KCNQ5: variants seen among roughly 807,000 people sequenced by gnomAD.
The protein encoded by KCNQ5 is potassium voltage-gated channel subfamily Q member 5.
KCNQ5 carries 30 observed loss-of-function variants against 98.2 expected under a neutral mutation model. The ratio of observed to expected loss-of-function variants is 0.31; its 90% CI spans 0.23 to 0.41. KCNQ5 has a LOEUF of 0.41. Among genes scored for constraint, KCNQ5 ranks in the 10% least tolerant of loss-of-function variants. The pLI, the probability that KCNQ5 is intolerant of heterozygous loss-of-function variation, is 1.00. For missense variants in KCNQ5, 835 were observed against 1,182.5 expected (o/e 0.71, Z 4.31); for synonymous variants, 458 against 449.4 (o/e 1.02, Z -0.24).
chr6:73,097,025 A>G (rs1403175604), intron 5 of KCNQ5, among the ~76,000 whole-genome samples: 1 of 151,868 alleles, frequency 6.6e-6, no homozygotes, highest in African/African-American at 2.4e-5. Flanking sequence ...TGGGTGACAG[A>G]GTGACTCAGT....
chr6:73,169,581 AAAG>A (rs767533230), intron 10 of KCNQ5, among the ~76,000 whole-genome samples, 162 bp from the exon 11 acceptor site: 32 of 152,240 alleles, frequency 2.1e-4, no homozygotes, highest in Non-Finnish European at 4.6e-4. Flanking sequence ...GGCTGTAGAA[AAAG>A]AAGAAAGAAT....
At chr6:72,859,756 A>G (rs1053646961) in intron 1 of KCNQ5, among the ~76,000 whole-genome samples, 1 of 151,692 alleles carries the variant, frequency 6.6e-6, no homozygotes, top group African/African-American at 2.4e-5. Context: ...TAATTTTTTC[A>G]TGTGTGTATT....
chr6:72,945,301 G>A lies in KCNQ5; in HGVS notation c.399-58607G>A, dbSNP rs369056673. 2.6e-5 allele frequency among the ~76,000 whole-genome samples: 4 copies of A among 151,186 alleles called. No individual in the cohort carries two copies. In the East Asian group the frequency reaches 5.8e-4, roughly 22 times the overall value. ...AAGTTTTAGGGTACATGTGCACAAC[G>A]TGCACGTTAGTTACATATGTATACA... On this transcript the variant is annotated intron_variant, in intron 1 of 13. Coordinates refer to ENST00000370398, the MANE Select transcript of KCNQ5 (RefSeq NM_019842.4).
chr6:72,836,478 C>T (rs1474137759), intron 1 of KCNQ5, among the ~76,000 whole-genome samples: 13 of 152,208 alleles, frequency 8.5e-5, no homozygotes, highest in African/African-American at 3.1e-4. Context: ...CACTCAATCA[C>T]CCAGGCTCAT....
chr6:73,083,695 A>G (rs1159838437), intron 5 of KCNQ5, among the ~76,000 whole-genome samples: 1 of 152,202 alleles, frequency 6.6e-6, no homozygotes. Flanking sequence ...CTAAGCAACC[A>G]AGTAGCCATC....
intron 1 of KCNQ5, among the ~76,000 whole-genome samples, chr6:72,960,002 A>C (rs1767259248): frequency 6.6e-6 from 1 of 152,232 alleles, no homozygotes; most frequent in South Asian, 2.1e-4. Flanking sequence ...GTAGGCCAGA[A>C]GGGAAAGGAA....
At chr6:72,708,742 CT>C (rs1769215656) in intron 1 of KCNQ5, among the ~76,000 whole-genome samples, 1 of 152,066 alleles carries the variant, frequency 6.6e-6, no homozygotes, top group Non-Finnish European at 1.5e-5. Flanking sequence ...GCCTGGTCTC[CT>C]GAGCTCAAGT....
chr6:72,731,820 G>T (rs916245413), intron 1 of KCNQ5, among the ~76,000 whole-genome samples: 1 of 152,144 alleles, frequency 6.6e-6, no homozygotes, highest in Non-Finnish European at 1.5e-5. Flanking sequence ...TTCCAGTCCT[G>T]CCACGAGGAA....
chr6:73,175,126 C>G (rs1279534825), intron 11 of KCNQ5, among the ~76,000 whole-genome samples: 1 of 152,028 alleles, frequency 6.6e-6, no homozygotes, highest in Non-Finnish European at 1.5e-5. Flanking sequence ...ACTACCTGGA[C>G]TGAGAAATTA....
In KCNQ5 at chr6:72,785,568, T is replaced by G. The variant is rs141318640; in HGVS notation, c.398+162981T>G. On this transcript the variant is annotated intron_variant, in intron 1 of 13. Transcript: ENST00000370398. ...GGGAGGCTGAGTCAGGAGAATCCCTTAAACCTGGGAGGTGGAGGTTGCAGT... is the reference window on the plus strand; with the variant it reads ...GGGAGGCTGAGTCAGGAGAATCCCTGAAACCTGGGAGGTGGAGGTTGCAGT... 2.3e-3 allele frequency among the ~76,000 whole-genome samples: 352 copies of G among 151,774 alleles called. 1 individual carries two copies. Among genetic ancestry groups the G allele is most frequent in the Middle Eastern group, 0.014 (4 of 292 alleles).
At chr6:73,120,800 G>A (rs1295781531) in intron 8 of KCNQ5, among the ~76,000 whole-genome samples, 1 of 152,180 alleles carries the variant, frequency 6.6e-6, no homozygotes, top group Non-Finnish European at 1.5e-5. Context: ...TTAAAATAAT[G>A]TAAATTTTAT....
chr6:72,720,248 T>C (rs1769882947), intron 1 of KCNQ5, among the ~76,000 whole-genome samples: 1 of 152,238 alleles, frequency 6.6e-6, no homozygotes, highest in African/African-American at 2.4e-5. Flanking sequence ...GCAAGTTAGC[T>C]GCTTTTAACC....
At chr6:72,627,869 T>C (rs1293773402) in intron 1 of KCNQ5, among the ~76,000 whole-genome samples, 1 of 152,226 alleles carries the variant, frequency 6.6e-6, no homozygotes, top group African/African-American at 2.4e-5. Context: ...TTCTTCAAAG[T>C]ACAGTTCAAA....
At position 73,046,978 on chromosome 6, in the gene KCNQ5, A is replaced by G. The variant is rs140731127; in HGVS notation, c.616+4916A>G. 9.8e-3 allele frequency among the ~76,000 whole-genome samples: 1,490 copies of G among 152,274 alleles called. 23 individuals carry two copies. Among genetic ancestry groups the G allele is most frequent in the African/African-American group, 0.033 (1,379 of 41,554 alleles). On this transcript the variant is annotated intron_variant, in intron 3 of 13. Transcript: ENST00000370398. ...CCCATTTTATAGATGAGGAAGTAAG[A>G]CAAGACTGAAGACTTTATAGATGAG...
chr6:73,195,582 A>G lies in KCNQ5; in HGVS notation c.*168A>G. On this transcript the variant is annotated 3_prime_UTR_variant, in exon 14 of 14. Coordinates refer to ENST00000370398, the MANE Select transcript of KCNQ5 (RefSeq NM_019842.4). Reference sequence around the variant, plus strand: ...ATTGCATGAAAATGCATGTTTAGGGATGGCTAAAATTCCAAGGTGCATCGA... The same window carrying G: ...ATTGCATGAAAATGCATGTTTAGGGGTGGCTAAAATTCCAAGGTGCATCGA... 7 of 852,724 alleles carry G rather than the reference A, an allele frequency of 8.2e-6. No homozygotes were observed. The highest frequency in any genetic ancestry group is 1.2e-5 in the Non-Finnish European group (7 of 566,698). 52.8% of individuals were successfully genotyped at this position (852,724 alleles called of 1,614,324 possible). A position where few individuals can be genotyped will look rare whatever the true frequency, so the allele number is the denominator to read the frequency against.
At chr6:72,721,804 G>A (rs931560757) in intron 1 of KCNQ5, among the ~76,000 whole-genome samples, 1 of 152,148 alleles carries the variant, frequency 6.6e-6, no homozygotes, top group Non-Finnish European at 1.5e-5. Flanking sequence ...AATTGGCCAA[G>A]GAGGGCTATC....
intron 1 of KCNQ5, among the ~76,000 whole-genome samples, chr6:72,919,124 T>A (rs979402757): frequency 2.0e-5 from 3 of 152,228 alleles, no homozygotes; most frequent in African/African-American, 7.2e-5. Context: ...TTTCCCAAAA[T>A]GACTTGATCG....
intron 10 of KCNQ5, among the ~76,000 whole-genome samples, chr6:73,143,256 T>G (rs1343028420): frequency 1.3e-5 from 2 of 152,232 alleles, no homozygotes; most frequent in East Asian, 3.8e-4. Flanking sequence ...AGAAAACCTC[T>G]AAGAAATTTT....
At chr6:72,688,834 A>G (rs1768076399) in intron 1 of KCNQ5, among the ~76,000 whole-genome samples, 1 of 152,178 alleles carries the variant, frequency 6.6e-6, no homozygotes. Context: ...GAGTTTTTAA[A>G]ATTTTTGGTC....
Sources: gnomAD v4.1 joint callset for allele counts (sites outside exome capture counted in the v4.1 genomes callset) on GRCh38, gnomAD v4.1.1 for gene constraint, MANE v1.5 for transcripts, NCBI Gene and HGNC (gene_info 2026-07-23, HGNC 2026-07-21) for gene names.